DAB2IP: variants seen among roughly 807,000 people sequenced by gnomAD.
The protein encoded by DAB2IP is DAB2 interacting protein, also known as disabled homolog 2-interacting protein.
In DAB2IP, 28 loss-of-function variants were observed where a neutral mutation model predicts 107.2. The ratio of observed to expected loss-of-function variants is 0.26; its 90% CI spans 0.19 to 0.36. The LOEUF is 0.36. Ranked by LOEUF, DAB2IP falls within the 10% of genes least tolerant of loss-of-function variation. The probability of loss-of-function intolerance (pLI) is 1.00; values close to 1 mark genes in which losing one functional copy is unlikely to be tolerated. For missense variants in DAB2IP, 1,400 were observed against 1,644.7 expected (o/e 0.85, Z 2.57); for synonymous variants, 755 against 706.4 (o/e 1.07, Z -1.09).
intron 1 of DAB2IP, among the ~76,000 whole-genome samples, chr9:121,603,055 G>C (rs1012375333): frequency 6.6e-6 from 1 of 152,208 alleles, no homozygotes; most frequent in African/African-American, 2.4e-5. Context: ...GGAGGGGTTG[G>C]CAGAAACCTC....
chr9:121,773,552 A>G, intron 12 of DAB2IP, 57 bp downstream of exon 12: 1 of 1,390,686 alleles, frequency 7.2e-7, no homozygotes, highest in Non-Finnish European at 9.3e-7. Context: ...TGGGGCTGTC[A>G]TACCCCATAC....
chr9:121,694,598 C>G (rs1211306142), intron 2 of DAB2IP, among the ~76,000 whole-genome samples: 5 of 152,034 alleles, frequency 3.3e-5, no homozygotes, highest in Admixed American at 3.3e-4. Flanking sequence ...GGTGGTGTAG[C>G]TCTACTCCTG....
intron 1 of DAB2IP, among the ~76,000 whole-genome samples, chr9:121,674,725 G>A (rs1006872739): frequency 6.6e-6 from 1 of 152,132 alleles, no homozygotes; most frequent in African/African-American, 2.4e-5. Context: ...GACCCAGGAG[G>A]CAAGAGGCAG....
intron 1 of DAB2IP, among the ~76,000 whole-genome samples, chr9:121,637,169 G>T (rs1248164240): frequency 6.6e-6 from 1 of 152,212 alleles, no homozygotes; most frequent in African/African-American, 2.4e-5. Flanking sequence ...TAGTGTCTCT[G>T]AGGCTTGATT....
chr9:121,779,090 TTCTTC>T (rs1337858749), intron 14 of DAB2IP, among the ~76,000 whole-genome samples: 1 of 152,190 alleles, frequency 6.6e-6, no homozygotes, highest in African/African-American at 2.4e-5. Context: ...TTTTTTCTGT[TTCTTC>T]TCTTTGATAG....
chr9:121,694,998 C>A (rs371987647), intron 2 of DAB2IP, among the ~76,000 whole-genome samples: 1 of 152,156 alleles, frequency 6.6e-6, no homozygotes, highest in African/African-American at 2.4e-5. Context: ...CGGGTCCCTG[C>A]AGACTGTGTA....
chr9:121,780,166 GT>G (rs1835503786), intron 14 of DAB2IP, among the ~76,000 whole-genome samples: 1 of 152,210 alleles, frequency 6.6e-6, no homozygotes, highest in African/African-American at 2.4e-5. Flanking sequence ...GATTATAGGC[GT>G]GAGCCAATGT....
chr9:121,768,444 G>A lies in DAB2IP; in HGVS notation c.1710G>A (p.Lys570=), dbSNP rs143825896. The change falls in exon 10 of 16, where the codon AAG becomes AAA. Residue 570 remains lysine (K), a synonymous_variant. Transcript: ENST00000408936. ...GCCCTCTCTCCAGATTTGGCAGCAA[G>A]GAGGAATACATGTCCTTCATGAACC... The A allele has an allele frequency of 1.3e-5, 21 of 1,614,220 alleles. No homozygotes were observed. The East Asian group carries it at 4.7e-4, about 36-fold the overall frequency.
At chr9:121,770,952 G>A (rs976203483) in intron 11 of DAB2IP, among the ~76,000 whole-genome samples, 1 of 146,150 alleles carries the variant, frequency 6.8e-6, no homozygotes, top group African/African-American at 2.7e-5. Context: ...GGGAAAAGTA[G>A]CATTTCCATT....
chr9:121,601,539 T>C (rs1830683056), intron 1 of DAB2IP, among the ~76,000 whole-genome samples: 1 of 152,176 alleles, frequency 6.6e-6, no homozygotes, highest in Non-Finnish European at 1.5e-5. Flanking sequence ...AATTATTCAC[T>C]GTGGTCCCCT....
At chr9:121,588,386 C>T (rs1305073419) in intron 1 of DAB2IP, among the ~76,000 whole-genome samples, 2 of 151,932 alleles carry the variant, frequency 1.3e-5, no homozygotes, top group Non-Finnish European at 2.9e-5. Context: ...CTGGGTCATT[C>T]CCACCAGCTG....
intron 1 of DAB2IP, among the ~76,000 whole-genome samples, chr9:121,594,412 A>G (rs985896896): frequency 2.0e-5 from 3 of 150,980 alleles, no homozygotes; most frequent in African/African-American, 7.3e-5. Context: ...TAATTTTTGT[A>G]TTTTAGTAGA....
chr9:121,600,032 G>T (rs1291852183), intron 1 of DAB2IP, among the ~76,000 whole-genome samples: 1 of 152,126 alleles, frequency 6.6e-6, no homozygotes, highest in Non-Finnish European at 1.5e-5. Context: ...CAGGGCTGGC[G>T]CTGGGTTCTT....
intron 1 of DAB2IP, among the ~76,000 whole-genome samples, chr9:121,614,972 G>A (rs1428570711): frequency 6.6e-6 from 1 of 152,020 alleles, no homozygotes; most frequent in East Asian, 1.9e-4. Flanking sequence ...GACCTCAGGT[G>A]ATCCACGAGC....
upstream of DAB2IP, among the ~76,000 whole-genome samples, chr9:121,647,232 G>T (rs1348685072): frequency 2.0e-5 from 3 of 152,136 alleles, no homozygotes; most frequent in Non-Finnish European, 4.4e-5. Flanking sequence ...CATCCCCCCT[G>T]TACAGAATGG....
rs529195613 is a variant in DAB2IP at position 121,639,986 on chromosome 9, T to C, written c.41-38692T>C. On this transcript the variant is annotated intron_variant, in intron 1 of 16. Transcript: ENST00000259371. Reference sequence around the variant, plus strand: ...ACCCACATCCCAGGGGACTGGAATGTCTCGAAGTCCAAGATCTGAAGTTCT... The same window carrying C: ...ACCCACATCCCAGGGGACTGGAATGCCTCGAAGTCCAAGATCTGAAGTTCT... 3.2e-4 allele frequency among the ~76,000 whole-genome samples: 49 copies of C among 152,256 alleles called. 1 individual carries two copies. The highest frequency in any genetic ancestry group is 2.0e-3 in the Admixed American group (30 of 15,306).
intron 1 of DAB2IP, among the ~76,000 whole-genome samples, chr9:121,667,256 C>T (rs576048866): frequency 5.0e-4 from 76 of 152,268 alleles, no homozygotes; most frequent in African/African-American, 1.8e-3. Flanking sequence ...AAATGATCCA[C>T]CCACCTTGGC....
chr9:121,725,205 C>T (rs1245400966), intron 3 of DAB2IP, among the ~76,000 whole-genome samples: 6 of 152,128 alleles, frequency 3.9e-5, no homozygotes, highest in African/African-American at 7.2e-5. Context: ...TTGCTGTTTG[C>T]GTTGTCGTCA....
At chr9:121,743,537 G>A (rs1278744953) in intron 3 of DAB2IP, among the ~76,000 whole-genome samples, 1 of 152,134 alleles carries the variant, frequency 6.6e-6, no homozygotes, top group Non-Finnish European at 1.5e-5. Context: ...ACATTACAGA[G>A]AGTTGGAACA....
Sources: allele counts gnomAD v4.1 joint callset (sites outside exome capture counted in the v4.1 genomes callset), GRCh38; gene constraint gnomAD v4.1.1; transcripts MANE v1.5; gene names NCBI Gene and HGNC (gene_info 2026-07-23, HGNC 2026-07-21).